The following CCT4 variants were observed in gnomAD, a reference collection of about 807,000 sequenced individuals.
CCT4 encodes T-complex protein 1 subunit delta.
CCT4 carries 17 observed loss-of-function variants against 62.5 expected under a neutral mutation model. The ratio of observed to expected loss-of-function variants is 0.27; its 90% CI spans 0.19 to 0.41. The LOEUF (loss-of-function observed/expected upper bound fraction) is 0.41, where lower values mean the gene tolerates loss of function less well. Ranked by LOEUF, CCT4 falls within the 10% of genes least tolerant of loss-of-function variation. The probability of loss-of-function intolerance (pLI) is 1.00; values close to 1 mark genes in which losing one functional copy is unlikely to be tolerated. For synonymous variants in CCT4, 250 were observed against 229.9 expected, an observed-to-expected ratio of 1.09 and a Z score of -0.79; for missense variants, 592 against 659.2, an observed-to-expected ratio of 0.90 and a Z score of 1.12.
Position 61,885,062 on chromosome 2 carries a change from A to T in CCT4, c.138T>A (p.Asp46Glu), listed in dbSNP as rs1286078358. 13 of 1,551,622 alleles carry T rather than the reference A, an allele frequency of 8.4e-6. No homozygotes were observed. Among genetic ancestry groups the T allele is most frequent in the Non-Finnish European group, 1.1e-5 (13 of 1,157,814 alleles). ...SNISAAKAVA[D>E]AIRTSLGPKG... Reference sequence around the variant, plus strand: ...TTGGTCCAAGGCTTGTTCTAATAGCATCAGCAACCGCTGCAGATGGGGGGG... The same window carrying T: ...TTGGTCCAAGGCTTGTTCTAATAGCTTCAGCAACCGCTGCAGATGGGGGGG... Residue 46 changes from aspartate to glutamate, a missense_variant, in exon 2 of 14, where the codon GAT becomes GAA. By Grantham distance (45) the Asp-to-Glu change is conservative. Coordinates refer to ENST00000394440, the MANE Select transcript of CCT4 (RefSeq NM_006430.4).
intron 3 of CCT4, among the ~76,000 whole-genome samples, chr2:61,881,368 C>G (rs931627929): frequency 2.0e-5 from 3 of 151,912 alleles, no homozygotes; most frequent in African/African-American, 4.8e-5. Context: ...GTGATCCACC[C>G]GCCTCAGCCT....
intron 12 of CCT4, among the ~76,000 whole-genome samples, chr2:61,870,145 C>T (rs573885198): frequency 6.6e-6 from 1 of 151,564 alleles, no homozygotes; most frequent in African/African-American, 2.4e-5. Context: ...GGCGTGGTGG[C>T]ATGCACCTGT....
At chr2:61,883,773 G>GACAGACAC (rs1216181852) in intron 2 of CCT4, among the ~76,000 whole-genome samples, 2,385 of 143,832 alleles carry the variant, frequency 0.017, 50 homozygotes, top group East Asian at 0.083. Context: ...AAGAAATGTA[G>GACAGACAC]ACACACACAC....
In CCT4 at chr2:61,878,860, T is replaced by C. The variant is rs756864419; in HGVS notation, c.522+9A>G. On this transcript the variant is annotated intron_variant, in intron 5 of 13. Transcript: ENST00000394440. ...TAATTTGACAAGTATCCGTTAGTGT[T>C]TGTCTCACCTTTGAGTTCAGTGAAG... The C allele has an allele frequency of 1.9e-6, 3 of 1,597,964 alleles. No individual in the cohort carries two copies. Among genetic ancestry groups the C allele is most frequent in the Non-Finnish European group, 2.6e-6 (3 of 1,170,184 alleles).
chr2:61,870,750 A>G (rs534626830), intron 12 of CCT4, among the ~76,000 whole-genome samples: 42 of 151,956 alleles, frequency 2.8e-4, no homozygotes, highest in African/African-American at 9.9e-4. Context: ...GAAACACCAT[A>G]TCTACTAAAA....
intron 4 of CCT4, among the ~76,000 whole-genome samples, chr2:61,879,256 CTTTT>C (rs35373962): frequency 7.2e-4 from 73 of 101,076 alleles, no homozygotes; most frequent in African/African-American, 1.1e-3. Flanking sequence ...AAATTTTATA[CTTTT>C]TTTTTTTTTT....
rs1668818722 is a variant in CCT4 at position 61,868,370 on chromosome 2, C to T, written c.*322G>A. On this transcript the variant is annotated 3_prime_UTR_variant, in exon 14 of 14. Coordinates refer to ENST00000394440, the MANE Select transcript of CCT4 (RefSeq NM_006430.4). ...GTTGGTAGTTTTTAAGGCCAGGGAG[C>T]ATTTATCAGTGATGAGCATATTGGG... The T allele has an allele frequency of 3.5e-6, 1 of 284,310 alleles. No homozygotes were observed. The highest frequency in any genetic ancestry group is 6.4e-5 in the South Asian group (1 of 15,734). 17.6% of individuals were successfully genotyped at this position (284,310 alleles called of 1,614,324 possible).
intron 3 of CCT4, among the ~76,000 whole-genome samples, chr2:61,883,188 C>T (rs1669155176): frequency 6.6e-6 from 1 of 152,110 alleles, no homozygotes; most frequent in Admixed American, 6.6e-5. Flanking sequence ...CTTTGGGAGG[C>T]CAACGTAGGT....
At chr2:61,886,841 C>T (rs1669264099) in intron 1 of CCT4, among the ~76,000 whole-genome samples, 2 of 151,848 alleles carry the variant, frequency 1.3e-5, no homozygotes, top group African/African-American at 4.8e-5. Flanking sequence ...TTCACGGCAA[C>T]CTCCGCCTCC....
At chr2:61,871,545 G>A (rs1033991411) in intron 12 of CCT4, among the ~76,000 whole-genome samples, 5 of 152,100 alleles carry the variant, frequency 3.3e-5, no homozygotes, top group African/African-American at 7.2e-5. Context: ...ATCATTTGGC[G>A]TTCTGTACCA....
At chr2:61,876,450 G>C (rs976295858) in intron 7 of CCT4, among the ~76,000 whole-genome samples, 2 of 152,084 alleles carry the variant, frequency 1.3e-5, no homozygotes, top group African/African-American at 2.4e-5. Context: ...CTTACATTTT[G>C]CAAGTAAATT....
chr2:61,871,016 C>T (rs1014832820), intron 12 of CCT4, among the ~76,000 whole-genome samples: 2 of 151,756 alleles, frequency 1.3e-5, no homozygotes, highest in Admixed American at 1.3e-4. Context: ...CAGGGGCCTC[C>T]TCATTCTATT....
chr2:61,873,431 C>T (rs1224415600), intron 8 of CCT4, 138 bp from the exon 9 acceptor site: 4 of 577,164 alleles, frequency 6.9e-6, no homozygotes, highest in Non-Finnish European at 9.2e-6. Flanking sequence ...TTACTAAGTT[C>T]GTAAGGTCAA....
chr2:61,869,689 T>G (rs964505805), intron 12 of CCT4, 136 bp from the exon 13 acceptor site: 2 of 615,844 alleles, frequency 3.2e-6, no homozygotes, highest in African/African-American at 3.7e-5. Flanking sequence ...GATACTCTAC[T>G]AAGCTTTTCT....
chr2:61,873,576 T>G (rs1194882921), intron 8 of CCT4, among the ~76,000 whole-genome samples: 1 of 152,162 alleles, frequency 6.6e-6, no homozygotes, highest in Non-Finnish European at 1.5e-5. Context: ...TTATTTTTAT[T>G]TTTTTGAGAT....
chr2:61,885,303 T>C (rs190014114), intron 1 of CCT4, among the ~76,000 whole-genome samples: 1 of 152,224 alleles, frequency 6.6e-6, no homozygotes, highest in African/African-American at 2.4e-5. Flanking sequence ...GCATAACAAA[T>C]CACCATGTCC....
chr2:61,886,305 G>A (rs966210955), intron 1 of CCT4, among the ~76,000 whole-genome samples: 14 of 152,058 alleles, frequency 9.2e-5, no homozygotes. Context: ...CTAGCTACTC[G>A]GGAGGCTGAG....
intron 3 of CCT4, 23 bp downstream of exon 3, chr2:61,883,432 AAAAG>A (rs1331320777): frequency 1.7e-6 from 2 of 1,177,484 alleles, no homozygotes; most frequent in Non-Finnish European, 2.4e-6. Flanking sequence ...AAAAAAAAAA[AAAAG>A]ACTCACCTAA....
rs902623859 is a variant in CCT4, at chr2:61,888,610, C to A, written c.-103G>T. 246 of 1,375,568 alleles carry A rather than the reference C, an allele frequency of 1.8e-4. 1 individual carries two copies. Among genetic ancestry groups the A allele is most frequent in the Middle Eastern group, 2.6e-4 (1 of 3,876 alleles). 85.2% of individuals were successfully genotyped at this position (1,375,568 alleles called of 1,614,324 possible). A position where few individuals can be genotyped will look rare whatever the true frequency, so the allele number is the denominator to read the frequency against. ...GTAAGCCCTCACTGCCTTCACGAAC[C>A]TTCCAGAAAGCGGCGCCGGCGTCGG... On this transcript the variant is annotated 5_prime_UTR_variant, in exon 1 of 14. It adds an upstream start codon to the 5' untranslated region. Coordinates refer to ENST00000394440, the MANE Select transcript of CCT4 (RefSeq NM_006430.4).
Sources: allele counts gnomAD v4.1 joint callset (sites outside exome capture counted in the v4.1 genomes callset), GRCh38; gene constraint gnomAD v4.1.1; transcripts MANE v1.5; gene names NCBI Gene and HGNC (gene_info 2026-07-23, HGNC 2026-07-21).